The following PRRG1 variants were observed in gnomAD, a reference collection of about 807,000 sequenced individuals.
PRRG1 encodes transmembrane gamma-carboxyglutamic acid protein 1.
A neutral mutation model predicts 11.8 loss-of-function variants in PRRG1; 5 were observed. That is an observed-to-expected ratio of 0.42 (90% CI 0.22 to 0.89). The LOEUF (loss-of-function observed/expected upper bound fraction) is 0.89, where lower values mean the gene tolerates loss of function less well. Among genes scored for constraint, PRRG1 ranks in the 40% least tolerant of loss-of-function variants. PRRG1 has a pLI of 0.28. For synonymous variants in PRRG1, 66 were observed against 60.4 expected, an observed-to-expected ratio of 1.09 and a Z score of -0.43; for missense variants, 155 against 166.1, an observed-to-expected ratio of 0.93 and a Z score of 0.37.
At chrX:37,413,771 A>G (rs73466268) in intron 2 of PRRG1, among the ~76,000 whole-genome samples, 1,505 of 111,948 alleles carry the variant, frequency 0.013, 33 homozygotes, top group African/African-American at 0.045. Flanking sequence ...GTTTTCTTCA[A>G]TGACAGACCA....
chrX:37,414,720 T>C (rs1204670501), intron 2 of PRRG1, among the ~76,000 whole-genome samples: 2 of 113,009 alleles, frequency 1.8e-5, no homozygotes, highest in African/African-American at 6.4e-5. Flanking sequence ...ATTCAATGAC[T>C]CTCAAAGATC....
At chrX:37,411,205 G>A (rs1199472276) in intron 2 of PRRG1, among the ~76,000 whole-genome samples, 3 of 111,909 alleles carry the variant, frequency 2.7e-5, no homozygotes, top group Non-Finnish European at 3.8e-5. Context: ...GGTTTTATAA[G>A]TAATCTAGAG....
chrX:37,453,694 C>T lies in PRRG1; in HGVS notation c.*73C>T, dbSNP rs1433636626. On this transcript the variant is annotated 3_prime_UTR_variant, in exon 4 of 4. Coordinates refer to ENST00000378628, the MANE Select transcript of PRRG1 (RefSeq NM_001142395.2). ...AGAACTTTCTAGCACTTTACCACTA[C>T]ATAAATGTTCATTGACTTATTTTAT... The T allele has an allele frequency of 1.3e-5, 13 of 972,513 alleles. No individual in the cohort carries two copies. The highest frequency in any genetic ancestry group is 3.2e-5 in the South Asian group (1 of 31,493). The allele number at this position is 972,513 out of a possible 1,213,427, so 80.1% of individuals were successfully genotyped here. A position where few individuals can be genotyped will look rare whatever the true frequency, so the allele number is the denominator to read the frequency against.
At chrX:37,425,794 A>G (rs202221835) in intron 2 of PRRG1, 46 bp from the exon 3 acceptor site, 2 of 1,076,030 alleles carry the variant, frequency 1.9e-6, no homozygotes, top group South Asian at 2.2e-5. Flanking sequence ...TTCATCTGGT[A>G]TATCAACTTG....
chrX:37,375,032 C>T (rs1930892742), intron 1 of PRRG1, among the ~76,000 whole-genome samples: 1 of 112,162 alleles, frequency 8.9e-6, no homozygotes, highest in South Asian at 3.7e-4. Flanking sequence ...ATATCCTCTG[C>T]TGTCTTTGTT....
chrX:37,361,545 C>T (rs1198319672), intron 1 of PRRG1, among the ~76,000 whole-genome samples: 1 of 111,372 alleles, frequency 9.0e-6, no homozygotes, highest in Non-Finnish European at 1.9e-5. Flanking sequence ...TTTTTCAGTG[C>T]CTCAGAATTC....
intron 1 of PRRG1, among the ~76,000 whole-genome samples, chrX:37,393,341 ATAATAT>A (rs1931605463): frequency 1.8e-5 from 2 of 109,084 alleles, no homozygotes; most frequent in South Asian, 7.4e-4. Flanking sequence ...TTAATTATAC[ATAATAT>A]TAATATAAAT....
Position 37,455,194 on chromosome X carries a change from T to C in PRRG1, c.*1573T>C. The C allele has an allele frequency of 9.0e-6, 1 of 111,562 alleles. No individual in the cohort carries two copies. Among genetic ancestry groups the C allele is most frequent in the East Asian group, 2.8e-4 (1 of 3,579 alleles). The allele number at this position is 111,562 out of a possible 1,213,427, so 9.2% of individuals were successfully genotyped here. On this transcript the variant is annotated 3_prime_UTR_variant, in exon 4 of 4. Transcript: ENST00000378628. ...ACTCAGATCTCCCTCTATCACATGC[T>C]TGCCACCACTGTACCTTGAGCAAGA...
chrX:37,451,319 A>G (rs1398335742), intron 3 of PRRG1, among the ~76,000 whole-genome samples: 1 of 112,313 alleles, frequency 8.9e-6, no homozygotes, highest in Non-Finnish European at 1.9e-5. Flanking sequence ...ACCCAGCCCC[A>G]TTTTTGCTGT....
At chrX:37,382,853 G>T (rs912682120) in intron 1 of PRRG1, among the ~76,000 whole-genome samples, 16 of 109,288 alleles carry the variant, frequency 1.5e-4, no homozygotes, top group Non-Finnish European at 2.7e-4. Context: ...TTGAGGATTG[G>T]TCATTTTTAA....
chrX:37,448,202 C>T (rs1312699436), intron 3 of PRRG1, among the ~76,000 whole-genome samples: 1 of 112,442 alleles, frequency 8.9e-6, no homozygotes, highest in East Asian at 2.8e-4. Flanking sequence ...GTACGCTCCA[C>T]ACAGCAGGAG....
chrX:37,376,551 GTA>G lies in PRRG1; in HGVS notation c.-42+27176_-42+27177del, dbSNP rs542194109. Among the ~76,000 whole-genome samples the G allele has an allele frequency of 2.4e-3, 64 of 26,919 alleles. 9 individuals carry two copies. The East Asian group carries it at 0.053, about 22-fold the overall frequency. 23.4% of individuals were successfully genotyped at this position (26,919 alleles called of 115,157 possible). A position where few individuals can be genotyped will look rare whatever the true frequency, so the allele number is the denominator to read the frequency against. ...TCAGTGTTTAGTCAGAAATGTGAGT[GTA>G]TATATATATATATATATATGTGCTG... On this transcript the variant is annotated intron_variant, in intron 1 of 3. Transcript: ENST00000378628.
intron 3 of PRRG1, among the ~76,000 whole-genome samples, chrX:37,439,087 G>C (rs782345164): frequency 9.0e-6 from 1 of 111,691 alleles, no homozygotes; most frequent in Non-Finnish European, 1.9e-5. Context: ...CTTTGCCATA[G>C]CCCTATGTTG....
intron 1 of PRRG1, among the ~76,000 whole-genome samples, chrX:37,370,143 C>T (rs1556370427): frequency 9.0e-6 from 1 of 111,183 alleles, no homozygotes; most frequent in African/African-American, 3.3e-5. Context: ...CAGGTTTATC[C>T]ATGTTGCTGC....
intron 3 of PRRG1, among the ~76,000 whole-genome samples, chrX:37,452,261 C>A (rs1353071019): frequency 9.0e-6 from 1 of 111,146 alleles, no homozygotes; most frequent in Non-Finnish European, 1.9e-5. Context: ...TATTTATATG[C>A]CAGGGACTTA....
chrX:37,369,714 C>T (rs1358997746), intron 1 of PRRG1, among the ~76,000 whole-genome samples: 4 of 111,419 alleles, frequency 3.6e-5, no homozygotes, highest in African/African-American at 1.3e-4. Context: ...CTCCCATAAT[C>T]CCCACGTGTC....
At chrX:37,442,181 A>G in intron 3 of PRRG1, 1 of 754,455 alleles carries the variant, frequency 1.3e-6, no homozygotes. Context: ...TTTTCCTTTC[A>G]GTGTTACCAT....
intron 2 of PRRG1, among the ~76,000 whole-genome samples, chrX:37,419,109 T>C (rs1199624686): frequency 1.8e-5 from 2 of 112,510 alleles, no homozygotes; most frequent in Non-Finnish European, 1.9e-5. Flanking sequence ...TTCATATCTG[T>C]AGTGATTATG....
intron 1 of PRRG1, among the ~76,000 whole-genome samples, chrX:37,356,201 T>C (rs1279380722): frequency 8.9e-6 from 1 of 111,907 alleles, no homozygotes; most frequent in Non-Finnish European, 1.9e-5. Flanking sequence ...TACATATATG[T>C]TAAGTGACAT....
Sources: gnomAD v4.1 joint callset for allele counts (sites outside exome capture counted in the v4.1 genomes callset) on GRCh38, gnomAD v4.1.1 for gene constraint, MANE v1.5 for transcripts, NCBI Gene and HGNC (gene_info 2026-07-23, HGNC 2026-07-21) for gene names.